The following BMPR1A variants were observed in gnomAD, a reference collection of about 807,000 sequenced individuals.
BMPR1A encodes the protein bone morphogenetic protein receptor type 1A.
In BMPR1A, 7 loss-of-function variants were observed where a neutral mutation model predicts 66.0. The observed-to-expected ratio is 0.11, with a 90% CI of 0.06 to 0.20. BMPR1A has a LOEUF of 0.20. BMPR1A is among the 10% of genes least tolerant of loss of function. BMPR1A has a pLI of 1.00. For missense variants in BMPR1A, 408 were observed against 669.1 expected (o/e 0.61, Z 4.31); for synonymous variants, 200 against 229.7 (o/e 0.87, Z 1.17).
At chr10:86,818,184 A>G (rs549041780) in intron 1 of BMPR1A, among the ~76,000 whole-genome samples, 19 of 152,140 alleles carry the variant, frequency 1.2e-4, no homozygotes, top group African/African-American at 4.6e-4. Flanking sequence ...ATGCCTGGCT[A>G]ATTTTTGTAC....
chr10:86,799,510 CT>C (rs1300428301), intron 1 of BMPR1A, among the ~76,000 whole-genome samples: 3 of 51,920 alleles, frequency 5.8e-5, no homozygotes, highest in Non-Finnish European at 1.1e-4. Context: ...TCCTTCCTTT[CT>C]TTTCTTTTCT....
chr10:86,815,978 A>G (rs902428539), intron 1 of BMPR1A, among the ~76,000 whole-genome samples: 29 of 152,230 alleles, frequency 1.9e-4, no homozygotes, highest in African/African-American at 6.5e-4. Context: ...CATTTGATGC[A>G]GGAACAAGGT....
chr10:86,856,120 G>T (rs2133208120), intron 2 of BMPR1A: 1 of 521,902 alleles, frequency 1.9e-6, no homozygotes, highest in African/African-American at 2.0e-5. Context: ...GACTTTATTG[G>T]TTTTGAAATT....
chr10:86,899,283 A>G (rs951132495), intron 5 of BMPR1A, among the ~76,000 whole-genome samples: 2 of 152,170 alleles, frequency 1.3e-5, no homozygotes, highest in Non-Finnish European at 2.9e-5. Flanking sequence ...GTGGTCTGTA[A>G]TCAGCTCTCA....
chr10:86,874,108 G>T (rs934925648), intron 2 of BMPR1A, among the ~76,000 whole-genome samples: 3 of 152,196 alleles, frequency 2.0e-5, no homozygotes, highest in Non-Finnish European at 4.4e-5. Context: ...TTCAGGAATA[G>T]TTCAAGCTGA....
intron 7 of BMPR1A, among the ~76,000 whole-genome samples, chr10:86,901,796 A>T (rs1021350587): frequency 6.6e-6 from 1 of 152,146 alleles, no homozygotes; most frequent in Non-Finnish European, 1.5e-5. Context: ...TTATATTTTC[A>T]TATTAAAATA....
intron 1 of BMPR1A, among the ~76,000 whole-genome samples, chr10:86,790,162 CAAAAAA>C (rs1170317792): frequency 5.5e-4 from 4 of 7,216 alleles, no homozygotes; most frequent in African/African-American, 1.2e-3. Flanking sequence ...ACTCTGTCTC[CAAAAAA>C]AAAAAAAAAA....
Position 86,821,390 on chromosome 10 carries a change from T to A in BMPR1A, c.-267-17475T>A, listed in dbSNP as rs190264133. ...TTAACAATATTGTCTGACTGTACTATAATTTACATTATTTTTGTTTTTGCT... is the reference window on the plus strand; with the variant it reads ...TTAACAATATTGTCTGACTGTACTAAAATTTACATTATTTTTGTTTTTGCT... On this transcript the variant is annotated intron_variant, in intron 1 of 12. Transcript: ENST00000372037. 9.6e-4 allele frequency among the ~76,000 whole-genome samples: 147 copies of A among 152,384 alleles called. 1 individual carries two copies. The highest frequency in any genetic ancestry group is 3.4e-3 in the Middle Eastern group (1 of 294).
chr10:86,789,648 G>C (rs564160874), intron 1 of BMPR1A, among the ~76,000 whole-genome samples: 1 of 151,794 alleles, frequency 6.6e-6, no homozygotes, highest in East Asian at 2.0e-4. Flanking sequence ...GGAAGGCAGA[G>C]GTTGCAGTGA....
In BMPR1A at chr10:86,875,288, A is replaced by C. The variant is rs575468741; in HGVS notation, c.-152-579A>C. Among the ~76,000 whole-genome samples, 12 of 152,048 alleles carry C rather than the reference A, an allele frequency of 7.9e-5. No individual in the cohort carries two copies. In the South Asian group the frequency reaches 2.1e-3, roughly 26 times the overall value. On this transcript the variant is annotated intron_variant, in intron 2 of 12. Coordinates refer to ENST00000372037, the MANE Select transcript of BMPR1A (RefSeq NM_004329.3). The stretch of plus-strand genomic sequence containing the variant: ...CTCAGAAGGCTGAGGCAGGAGAATC[A>C]CTTGAACCCAGGAGGTGGAGGTTGC...
At chr10:86,784,528 G>A (rs1309642326) in intron 1 of BMPR1A, among the ~76,000 whole-genome samples, 1 of 152,142 alleles carries the variant, frequency 6.6e-6, no homozygotes, top group Non-Finnish European at 1.5e-5. Context: ...GTGCATCAAA[G>A]TTTAGAAGTG....
At chr10:86,824,515 G>C (rs914722035) in intron 1 of BMPR1A, among the ~76,000 whole-genome samples, 1 of 152,090 alleles carries the variant, frequency 6.6e-6, no homozygotes, top group African/African-American at 2.4e-5. Flanking sequence ...ATCCACCCAC[G>C]GACATGGAGC....
chr10:86,827,166 C>A (rs984988854), intron 1 of BMPR1A, among the ~76,000 whole-genome samples: 2 of 152,104 alleles, frequency 1.3e-5, no homozygotes, highest in African/African-American at 4.8e-5. Flanking sequence ...AATTTGATGT[C>A]ATTCCCTTAG....
chr10:86,929,561 A>G (rs1266616130), downstream of BMPR1A: 1 of 152,210 alleles, frequency 6.6e-6, no homozygotes, highest in Non-Finnish European at 1.5e-5. Context: ...ATTGTTCCTC[A>G]AAAGAAATGC....
chr10:86,912,230 T>G lies in BMPR1A; in HGVS notation c.531-10T>G. On this transcript the variant is annotated splice_polypyrimidine_tract_variant and intron_variant, in intron 7 of 12. Coordinates refer to ENST00000372037, the MANE Select transcript of BMPR1A (RefSeq NM_004329.3). Reference sequence around the variant, plus strand: ...TTTTTAATGTAGATTGTTTTCTGCTTTTTTAAAAGACATTATTGCAAGAGC... The same window carrying G: ...TTTTTAATGTAGATTGTTTTCTGCTGTTTTAAAAGACATTATTGCAAGAGC... 6.2e-7 allele frequency: 1 copy of G among 1,612,700 alleles called. No individual in the cohort carries two copies. The highest frequency in any genetic ancestry group is 8.5e-7 in the Non-Finnish European group (1 of 1,179,784).
intron 3 of BMPR1A, among the ~76,000 whole-genome samples, chr10:86,886,862 G>A (rs1262497259): frequency 2.5e-5 from 3 of 120,124 alleles, no homozygotes; most frequent in African/African-American, 9.8e-5. Flanking sequence ...ATGGATTTTC[G>A]CTCTTGTCGC....
At chr10:86,765,302 A>G (rs1841144409) in intron 1 of BMPR1A, among the ~76,000 whole-genome samples, 1 of 151,970 alleles carries the variant, frequency 6.6e-6, no homozygotes, top group African/African-American at 2.4e-5. Context: ...CCTGACCAAC[A>G]TGGTGAAACC....
chr10:86,806,237 C>A (rs1259269642), intron 1 of BMPR1A, among the ~76,000 whole-genome samples: 1 of 152,118 alleles, frequency 6.6e-6, no homozygotes, highest in Non-Finnish European at 1.5e-5. Flanking sequence ...ATTACCTGGT[C>A]AAGGTGTTTT....
chr10:86,922,284 T>C (rs1843678060), intron 11 of BMPR1A, among the ~76,000 whole-genome samples: 1 of 152,234 alleles, frequency 6.6e-6, no homozygotes, highest in South Asian at 2.1e-4. Context: ...GTGCCACATT[T>C]TCTTGATGTG....
Sources: allele counts gnomAD v4.1 joint callset (sites outside exome capture counted in the v4.1 genomes callset), GRCh38; gene constraint gnomAD v4.1.1; transcripts MANE v1.5; gene names NCBI Gene and HGNC (gene_info 2026-07-23, HGNC 2026-07-21).